Variants in PRAG1 observed in about 807,000 individuals in gnomAD.
PRAG1 encodes inactive tyrosine-protein kinase PRAG1.
Under a neutral mutation model 95.6 loss-of-function variants are expected in PRAG1, and 110 were observed. The ratio of observed to expected loss-of-function variants is 1.15; its 90% CI spans 0.99 to 1.35. The LOEUF is 1.35. Among genes scored for constraint, PRAG1 ranks in the 40% most tolerant of loss-of-function variants. PRAG1 has a pLI of 0.00. For missense variants in PRAG1, 2,554 were observed against 1,864.7 expected (o/e 1.37, Z -6.81); for synonymous variants, 1,052 against 819.4 (o/e 1.28, Z -4.85).
At chr8:8,355,235 A>G (rs1213516308) in intron 3 of PRAG1, among the ~76,000 whole-genome samples, 3 of 152,190 alleles carry the variant, frequency 2.0e-5, no homozygotes, top group African/African-American at 7.2e-5. Context: ...ACTGAAAACT[A>G]TAAAACATTA....
intron 1 of PRAG1, among the ~76,000 whole-genome samples, chr8:8,382,848 G>A (rs1357799046): frequency 6.6e-6 from 1 of 152,178 alleles, no homozygotes; most frequent in African/African-American, 2.4e-5. Flanking sequence ...ACTTGGACCA[G>A]CCCATAGACA....
chr8:8,323,807 AG>A (rs1433115557), intron 5 of PRAG1, among the ~76,000 whole-genome samples: 1 of 152,294 alleles, frequency 6.6e-6, no homozygotes, highest in East Asian at 1.9e-4. Context: ...TAGCATCGTG[AG>A]AACTAAACAT....
chr8:8,386,412 C>A lies in PRAG1; in HGVS notation c.-179G>T, dbSNP rs1800856221. The A allele has an allele frequency of 6.6e-6, 1 of 151,986 alleles. No homozygotes were observed. Among genetic ancestry groups the A allele is most frequent in the Non-Finnish European group, 1.5e-5 (1 of 67,952 alleles). The allele number at this position is 151,986 out of a possible 1,614,324, so 9.4% of individuals were successfully genotyped here. On this transcript the variant is annotated 5_prime_UTR_variant, in exon 1 of 6. Coordinates refer to ENST00000615670, the MANE Select transcript of PRAG1 (RefSeq NM_001080826.3). Reference sequence around the variant, plus strand: ...GTTCGCAGAAGGTCTGCGCGCGGTGCGTGCCCGGCCGCGGGCGGGTGGCTT... The same window carrying A: ...GTTCGCAGAAGGTCTGCGCGCGGTGAGTGCCCGGCCGCGGGCGGGTGGCTT...
At chr8:8,339,427 C>T in intron 4 of PRAG1, 51 bp downstream of exon 4, 1 of 1,596,354 alleles carries the variant, frequency 6.3e-7, no homozygotes, top group Non-Finnish European at 8.6e-7. Flanking sequence ...CAGGACTGGT[C>T]TTGAAGGTCC....
intron 3 of PRAG1, among the ~76,000 whole-genome samples, chr8:8,349,489 A>G (rs973827470): frequency 1.3e-5 from 2 of 152,062 alleles, no homozygotes; most frequent in East Asian, 1.9e-4. Context: ...TCACTGTGTT[A>G]GCCAGGATGG....
At position 8,376,806 on chromosome 8, in the gene PRAG1, C is replaced by T. The variant is rs775930768; in HGVS notation, c.1603G>A (p.Glu535Lys). ...SRESHAHSAS[E>K]SKPKERPAIP... ...GCGGGCCTCTCCTTGGGCTTGCTCT[C>T]GCTGGCACTGTGAGCATGGCTTTCC... Residue 535 changes from glutamate to lysine, a missense_variant, in exon 3 of 6, where the codon GAG becomes AAG. By Grantham distance (56) the Glu-to-Lys change is moderately conservative. Transcript: ENST00000615670. 6 of 1,611,714 alleles carry T rather than the reference C, an allele frequency of 3.7e-6. No individual in the cohort carries two copies. The highest frequency in any genetic ancestry group is 2.2e-5 in the South Asian group (2 of 91,036).
At chr8:8,338,364 C>G (rs1288306511) in intron 4 of PRAG1, among the ~76,000 whole-genome samples, 1 of 152,240 alleles carries the variant, frequency 6.6e-6, no homozygotes, top group Non-Finnish European at 1.5e-5. Flanking sequence ...TTGTAGATCA[C>G]TCCCCAGAAC....
At chr8:8,330,162 T>C (rs1798773428) in intron 4 of PRAG1, among the ~76,000 whole-genome samples, 2 of 152,020 alleles carry the variant, frequency 1.3e-5, no homozygotes, top group Admixed American at 1.3e-4. Flanking sequence ...GCTCAGGAGT[T>C]CAAGACCAGC....
At chr8:8,378,748 C>G (rs1172513302) in intron 2 of PRAG1, among the ~76,000 whole-genome samples, 1 of 152,070 alleles carries the variant, frequency 6.6e-6, no homozygotes, top group East Asian at 1.9e-4. Context: ...ACAGTCCCAG[C>G]TACTTGGGAG....
intron 4 of PRAG1, among the ~76,000 whole-genome samples, chr8:8,335,110 T>C (rs986560162): frequency 1.3e-5 from 2 of 151,878 alleles, no homozygotes; most frequent in African/African-American, 2.4e-5. Flanking sequence ...GAAAAGTAAA[T>C]AGACATTTTT....
chr8:8,383,183 T>G (rs570981155), intron 1 of PRAG1, among the ~76,000 whole-genome samples: 3 of 152,282 alleles, frequency 2.0e-5, no homozygotes, highest in East Asian at 1.9e-4. Flanking sequence ...AGAGTGTTTG[T>G]GGGAAGTGCT....
intron 3 of PRAG1, among the ~76,000 whole-genome samples, chr8:8,362,729 A>G (rs1003094894): frequency 3.3e-5 from 5 of 152,240 alleles, no homozygotes; most frequent in African/African-American, 1.2e-4. Flanking sequence ...TCCTGCCACA[A>G]GAGCACACTG....
intron 4 of PRAG1, among the ~76,000 whole-genome samples, chr8:8,329,312 G>A (rs1378823652): frequency 6.6e-6 from 1 of 152,070 alleles, no homozygotes; most frequent in Non-Finnish European, 1.5e-5. Context: ...AGAATCGCTT[G>A]AGCCCGGGAG....
chr8:8,377,798 T>C lies in PRAG1; in HGVS notation c.611A>G (p.Gln204Arg), dbSNP rs561023350. 21 of 1,614,144 alleles carry C rather than the reference T, an allele frequency of 1.3e-5. No homozygotes were observed. The Admixed American group carries it at 2.0e-4, about 15-fold the overall frequency. Reference protein sequence around the residue: ...SFPYQDRPSTQESFRQKLAAF... With the variant: ...SFPYQDRPSTRESFRQKLAAF... ...AGCCAGTTTCTGGCGGAAGCTCTCC[T>C]GGGTGGAGGGCCGGTCTTGGTAAGG... The change falls in exon 3 of 6, where the codon CAG (glutamine) becomes CGG (arginine). Residue 204 changes from glutamine (Q) to arginine (R), a missense_variant. Transcript: ENST00000615670.
Position 8,377,405 on chromosome 8 carries a change from G to A in PRAG1, c.1004C>T (p.Ala335Val), listed in dbSNP as rs766350845. Residue 335 changes from alanine (A) to valine (V), a missense_variant, in exon 3 of 6, where the codon GCC (alanine) becomes GTC (valine). By Grantham distance (64) the Ala-to-Val change is moderately conservative. Coordinates refer to ENST00000615670, the MANE Select transcript of PRAG1 (RefSeq NM_001080826.3). ...PKKLSLTSEA[A>V]ISSDGLSCGS... ...ACAAGAGAGGCCGTCGGAAGAAATG[G>A]CAGCCTCCGAGGTGAGGGACAGTTT... is the stretch of plus-strand genomic sequence containing the variant. The A allele has an allele frequency of 3.8e-6, 6 of 1,578,092 alleles. No individual in the cohort carries two copies. The East Asian group carries it at 1.3e-4, about 35-fold the overall frequency.
At chr8:8,324,429 C>T (rs1007518381) in intron 5 of PRAG1, among the ~76,000 whole-genome samples, 1 of 152,188 alleles carries the variant, frequency 6.6e-6, no homozygotes, top group African/African-American at 2.4e-5. Flanking sequence ...CAAAGGCCAG[C>T]AACGGAGAAG....
In PRAG1 at chr8:8,376,601, C is replaced by G. The variant is rs751000703; in HGVS notation, c.1808G>C (p.Gly603Ala). ...CCTGGATGGGTCACTGATAGCGACA[C>G]CGTTGGTCCGGCAGGAAGGAGCGGG... Reference protein sequence around the residue: ...ADPAPSCRTNGVAISDPSRCP... With the variant: ...ADPAPSCRTNAVAISDPSRCP... Residue 603 changes from glycine to alanine, a missense_variant, in exon 3 of 6, where the codon GGT becomes GCT. Coordinates refer to ENST00000615670, the MANE Select transcript of PRAG1 (RefSeq NM_001080826.3). 1.2e-6 allele frequency: 2 copies of G among 1,603,704 alleles called. No individual in the cohort carries two copies. The highest frequency in any genetic ancestry group is 1.7e-6 in the Non-Finnish European group (2 of 1,173,994).
chr8:8,348,264 C>G (rs1799411633), intron 3 of PRAG1, among the ~76,000 whole-genome samples: 1 of 152,184 alleles, frequency 6.6e-6, no homozygotes, highest in Non-Finnish European at 1.5e-5. Context: ...AGCACCCTGA[C>G]TCAAAATCTT....
At position 8,378,004 on chromosome 8, in the gene PRAG1, G is replaced by A; in HGVS notation, c.405C>T (p.Ser135=). The A allele has an allele frequency of 6.2e-7, 1 of 1,601,946 alleles. No homozygotes were observed. The highest frequency in any genetic ancestry group is 8.5e-7 in the Non-Finnish European group (1 of 1,173,272). ...CAGCAGGCTTCTGTACACCTCGGAA[G>A]CTGCCCAGGTAGACGACGGGGGCAT... ...QEDAPVVYLG[S]FRGVQKPAGP... Residue 135 remains serine, a synonymous_variant, in exon 3 of 6, where the codon AGC becomes AGT. Coordinates refer to ENST00000615670, the MANE Select transcript of PRAG1 (RefSeq NM_001080826.3).
Sources: allele counts gnomAD v4.1 joint callset (sites outside exome capture counted in the v4.1 genomes callset), GRCh38; gene constraint gnomAD v4.1.1; transcripts MANE v1.5; gene names NCBI Gene and HGNC (gene_info 2026-07-23, HGNC 2026-07-21).